The following UHRF2 variants were observed in gnomAD, a reference collection of about 807,000 sequenced individuals.
The protein encoded by UHRF2 is E3 ubiquitin-protein ligase UHRF2.
UHRF2 carries 23 observed loss-of-function variants against 96.8 expected under a neutral mutation model. The observed-to-expected ratio is 0.24, with a 90% CI of 0.17 to 0.34. UHRF2 has a LOEUF of 0.34. Among genes scored for constraint, UHRF2 ranks in the 10% least tolerant of loss-of-function variants. UHRF2 has a pLI of 1.00. For synonymous variants in UHRF2, 385 were observed against 332.6 expected (o/e 1.16, Z -1.72); for missense variants, 685 against 981.5 (o/e 0.70, Z 4.04).
Position 6,450,353 on chromosome 9 carries a change from T to G in UHRF2, c.645-10220T>G, listed in dbSNP as rs183735144. On this transcript the variant is annotated intron_variant, in intron 3 of 15. Coordinates refer to ENST00000276893, the MANE Select transcript of UHRF2 (RefSeq NM_152896.3). ...AAACTGTGTCATTTGTCTTGTACAA[T>G]TTTCTCAGTCTGGATTTTACTGATC... 8.2e-5 allele frequency among the ~76,000 whole-genome samples: 11 copies of G among 134,476 alleles called. 1 individual carries two copies. The East Asian group carries it at 2.8e-3, about 34-fold the overall frequency. The allele number at this position is 134,476 out of a possible 152,430, so 88.2% of individuals were successfully genotyped here.
chr9:6,472,832 G>A (rs1411636505), intron 4 of UHRF2, among the ~76,000 whole-genome samples: 1 of 152,132 alleles, frequency 6.6e-6, no homozygotes, highest in Non-Finnish European at 1.5e-5. Context: ...TAATTTTGGT[G>A]TCCTTAAGAA....
At chr9:6,446,466 A>G (rs187747189) in intron 3 of UHRF2, among the ~76,000 whole-genome samples, 11 of 151,502 alleles carry the variant, frequency 7.3e-5, no homozygotes, top group African/African-American at 2.7e-4. Flanking sequence ...TTTTTAGTAG[A>G]AGCAGGGTTT....
chr9:6,423,558 T>C (rs2130731148), intron 2 of UHRF2, among the ~76,000 whole-genome samples: 1 of 152,296 alleles, frequency 6.6e-6, no homozygotes, highest in Middle Eastern at 3.4e-3. Context: ...ATATAATTCA[T>C]TGTACTAATA....
chr9:6,432,202 T>A (rs1452350837), intron 2 of UHRF2, among the ~76,000 whole-genome samples: 1 of 152,190 alleles, frequency 6.6e-6, no homozygotes, highest in African/African-American at 2.4e-5. Context: ...TCCTAAACTG[T>A]TCATTCTTGT....
chr9:6,453,333 C>T (rs1237125654), intron 3 of UHRF2, among the ~76,000 whole-genome samples: 2 of 152,154 alleles, frequency 1.3e-5, no homozygotes, highest in Admixed American at 1.3e-4. Context: ...TCTTTTGCCA[C>T]TGAAATATGC....
chr9:6,492,360 T>A, intron 9 of UHRF2: 1 of 1,220,386 alleles, frequency 8.2e-7, no homozygotes, highest in Non-Finnish European at 1.1e-6. Context: ...GGTGGAAGAC[T>A]GGTTTTGATC....
At chr9:6,472,134 T>C (rs1406465138) in intron 4 of UHRF2, among the ~76,000 whole-genome samples, 1 of 152,194 alleles carries the variant, frequency 6.6e-6, no homozygotes, top group Non-Finnish European at 1.5e-5. Flanking sequence ...CCATTACAGT[T>C]ACCGCTACCA....
chr9:6,443,282 A>C (rs1821288351), intron 3 of UHRF2, among the ~76,000 whole-genome samples: 1 of 152,228 alleles, frequency 6.6e-6, no homozygotes, highest in Admixed American at 6.5e-5. Flanking sequence ...ACAGTGTGCC[A>C]AGCAGTATAC....
intron 2 of UHRF2, among the ~76,000 whole-genome samples, chr9:6,429,032 G>A (rs1820426395): frequency 6.6e-6 from 1 of 152,156 alleles, no homozygotes; most frequent in South Asian, 2.1e-4. Flanking sequence ...CACTATGGTG[G>A]TGGATACCTG....
intron 9 of UHRF2, among the ~76,000 whole-genome samples, chr9:6,490,651 C>A (rs1824605103): frequency 6.6e-6 from 1 of 152,100 alleles, no homozygotes; most frequent in South Asian, 2.1e-4. Flanking sequence ...AGAATATTAT[C>A]TTAAATATAT....
At chr9:6,502,490 G>T (rs1816348998) in intron 14 of UHRF2, among the ~76,000 whole-genome samples, 1 of 152,188 alleles carries the variant, frequency 6.6e-6, no homozygotes, top group Non-Finnish European at 1.5e-5. Context: ...GGGTTACTAT[G>T]TTGCCCAGAC....
chr9:6,473,141 C>G lies in UHRF2; in HGVS notation c.864-2250C>G, dbSNP rs541740422. Among the ~76,000 whole-genome samples, 183 of 152,204 alleles carry G rather than the reference C, an allele frequency of 1.2e-3. 1 individual carries two copies. Among genetic ancestry groups the G allele is most frequent in the African/African-American group, 4.3e-3 (178 of 41,536 alleles). ...GATGAACCTGGAATATCTTGTCATG[C>G]AAATAAGGAGTCCCACAAAGTCTGC... On this transcript the variant is annotated intron_variant, in intron 4 of 15. Coordinates refer to ENST00000276893, the MANE Select transcript of UHRF2 (RefSeq NM_152896.3).
intron 4 of UHRF2, among the ~76,000 whole-genome samples, chr9:6,465,327 G>T (rs981615745): frequency 6.6e-6 from 1 of 152,128 alleles, no homozygotes; most frequent in Non-Finnish European, 1.5e-5. Context: ...ATTTATGCTA[G>T]TTTCACAAAA....
chr9:6,479,980 A>G (rs1465082679), intron 6 of UHRF2, among the ~76,000 whole-genome samples: 1 of 152,196 alleles, frequency 6.6e-6, no homozygotes, highest in African/African-American at 2.4e-5. Flanking sequence ...CCTGAATTAG[A>G]TCATTCATCT....
chr9:6,413,813 T>A, intron 1 of UHRF2, 170 bp downstream of exon 1: 1 of 788,054 alleles, frequency 1.3e-6, no homozygotes, highest in Non-Finnish European at 1.8e-6. Flanking sequence ...TCCCGCCGAA[T>A]GGTGGGGAGT....
chr9:6,422,580 A>G, intron 2 of UHRF2: 1 of 531,710 alleles, frequency 1.9e-6, no homozygotes, highest in Non-Finnish European at 3.5e-6. Flanking sequence ...TAATTCATGA[A>G]CATTAAAAGA....
chr9:6,460,546 A>G, intron 3 of UHRF2, 27 bp from the exon 4 acceptor site: 1 of 1,553,190 alleles, frequency 6.4e-7, no homozygotes, highest in Non-Finnish European at 8.8e-7. Flanking sequence ...TGGTAATCAT[A>G]AGCCATATGG....
At position 6,453,414 on chromosome 9, in the gene UHRF2, C is replaced by G. The variant is rs117116498; in HGVS notation, c.645-7159C>G. Among the ~76,000 whole-genome samples the G allele has an allele frequency of 4.2e-3, 635 of 152,188 alleles. 2 individuals are homozygous for G. The highest frequency in any genetic ancestry group is 0.014 in the African/African-American group (596 of 41,508). ...TGTCCAAGTAATTTTCACTTTACAGCTGAGAAAGGAATATTATCTGAAATA... is the reference window on the plus strand; with the variant it reads ...TGTCCAAGTAATTTTCACTTTACAGGTGAGAAAGGAATATTATCTGAAATA... On this transcript the variant is annotated intron_variant, in intron 3 of 15. Coordinates refer to ENST00000276893, the MANE Select transcript of UHRF2 (RefSeq NM_152896.3).
At chr9:6,416,679 A>G (rs1819622974) in intron 1 of UHRF2, among the ~76,000 whole-genome samples, 1 of 151,696 alleles carries the variant, frequency 6.6e-6, no homozygotes, top group Non-Finnish European at 1.5e-5. Context: ...AGCTGGGACT[A>G]CAGGCGCCCG....
Sources: gnomAD v4.1 joint callset for allele counts (sites outside exome capture counted in the v4.1 genomes callset) on GRCh38, gnomAD v4.1.1 for gene constraint, MANE v1.5 for transcripts, NCBI Gene and HGNC (gene_info 2026-07-23, HGNC 2026-07-21) for gene names.